The following EIF2AK3 variants were observed in gnomAD, a reference collection of about 807,000 sequenced individuals.
The protein encoded by EIF2AK3 is eukaryotic translation initiation factor 2 alpha kinase 3, also known as eukaryotic translation initiation factor 2-alpha kinase 3.
In EIF2AK3, 50 loss-of-function variants were observed where a neutral mutation model predicts 113.5. The ratio of observed to expected loss-of-function variants is 0.44; its 90% CI spans 0.35 to 0.56. The LOEUF is 0.56. EIF2AK3 is among the 20% of genes least tolerant of loss of function. The pLI is 0.00. For synonymous variants in EIF2AK3, 448 were observed against 495.4 expected, an observed-to-expected ratio of 0.90 and a Z score of 1.27; for missense variants, 1,185 against 1,378.0, an observed-to-expected ratio of 0.86 and a Z score of 2.22.
chr2:88,598,702 A>T (rs2104449686), intron 2 of EIF2AK3, among the ~76,000 whole-genome samples: 1 of 152,348 alleles, frequency 6.6e-6, no homozygotes, highest in East Asian at 1.9e-4. Context: ...TGTACTAGGC[A>T]TAGAGGATGC....
At chr2:88,589,677 T>A (rs1399455537) in intron 6 of EIF2AK3, among the ~76,000 whole-genome samples, 1 of 149,768 alleles carries the variant, frequency 6.7e-6, no homozygotes, top group Non-Finnish European at 1.5e-5. Context: ...ATGTAATTAC[T>A]TATAAATAAT....
At chr2:88,579,314 A>G (rs1357418141) in intron 11 of EIF2AK3, among the ~76,000 whole-genome samples, 1 of 152,264 alleles carries the variant, frequency 6.6e-6, no homozygotes, top group Admixed American at 6.5e-5. Context: ...AAACAAGGGC[A>G]TATTTTAAAA....
rs182886912 is a variant in EIF2AK3 at position 88,617,011 on chromosome 2, T to C, written c.309-3158A>G. Among the ~76,000 whole-genome samples, 257 of 152,314 alleles carry C rather than the reference T, an allele frequency of 1.7e-3. 2 individuals carry two copies. The highest frequency in any genetic ancestry group is 5.9e-3 in the African/African-American group (246 of 41,566). On this transcript the variant is annotated intron_variant, in intron 1 of 16. Coordinates refer to ENST00000303236, the MANE Select transcript of EIF2AK3 (RefSeq NM_004836.7). ...TCTGGAATGGAGGCACCCCTTCTGC[T>C]GTGGTTGGAATTAAGAAGCACCACC...
chr2:88,582,922 T>C (rs186283751), intron 10 of EIF2AK3, among the ~76,000 whole-genome samples: 18 of 152,298 alleles, frequency 1.2e-4, no homozygotes, highest in Middle Eastern at 3.4e-3. Flanking sequence ...AGGTGACATT[T>C]TATACTTGAG....
chr2:88,617,952 G>A (rs1335781058), intron 1 of EIF2AK3, among the ~76,000 whole-genome samples: 1 of 152,158 alleles, frequency 6.6e-6, no homozygotes, highest in East Asian at 1.9e-4. Flanking sequence ...ACTGACGCAG[G>A]AGAACTGCTT....
At chr2:88,578,319 G>A (rs1229298997) in intron 11 of EIF2AK3, among the ~76,000 whole-genome samples, 1 of 152,042 alleles carries the variant, frequency 6.6e-6, no homozygotes, top group African/African-American at 2.4e-5. Flanking sequence ...AGGGCAAGAC[G>A]GGTGGATCAT....
rs1674647385 is a variant in EIF2AK3, at chr2:88,583,513, T to G, written c.1680A>C (p.Gln560His). The G allele has an allele frequency of 6.2e-7, 1 of 1,613,174 alleles. No individual in the cohort carries two copies. Among genetic ancestry groups the G allele is most frequent in the South Asian group, 1.1e-5 (1 of 91,068 alleles). The change falls in exon 10 of 17, where the codon CAA (glutamine) becomes CAC (histidine). Residue 560 changes from glutamine to histidine, a missense_variant. By Grantham distance (24) the Gln-to-His change is conservative. Around this residue, in one of 3 missense-constraint regions of EIF2AK3, gnomAD observed 877 missense variants for 1,024.2 expected, o/e 0.86. Coordinates refer to ENST00000303236, the MANE Select transcript of EIF2AK3 (RefSeq NM_004836.7). ...TTACAGAATCATATTTATTTTCAGT[T>G]TGACACTGAGTTTCAGACTCCTTCC... ...RQRKESETQCQTENKYDSVSG... is the reference protein window; with the variant it reads ...RQRKESETQCHTENKYDSVSG...
chr2:88,610,131 AAAAACAAAAC>A (rs542477784), intron 2 of EIF2AK3, among the ~76,000 whole-genome samples: 1 of 152,104 alleles, frequency 6.6e-6, no homozygotes, highest in African/African-American at 2.4e-5. Context: ...CTAAAAGACA[AAAAACAAAAC>A]AAAACAAAAC....
rs372782178 is a variant in EIF2AK3 at position 88,608,666 on chromosome 2, A to G, written c.438+5058T>C. Among the ~76,000 whole-genome samples the G allele has an allele frequency of 2.7e-4, 41 of 150,170 alleles. No individual in the cohort carries two copies. In the South Asian group the frequency reaches 7.6e-3, roughly 28 times the overall value. The stretch of plus-strand genomic sequence containing the variant: ...GAAGGTAGTATTACTCTATGCATCC[A>G]GTTCACAGCATTTCAAATGGCAGTT... On this transcript the variant is annotated intron_variant, in intron 2 of 16. Coordinates refer to ENST00000303236, the MANE Select transcript of EIF2AK3 (RefSeq NM_004836.7).
intron 2 of EIF2AK3, among the ~76,000 whole-genome samples, chr2:88,612,898 A>G (rs1675490360): frequency 6.6e-6 from 1 of 152,232 alleles, no homozygotes; most frequent in Non-Finnish European, 1.5e-5. Context: ...AGAAGGCCAC[A>G]GGCATTCTGG....
chr2:88,578,510 C>T (rs1011089118), intron 11 of EIF2AK3, among the ~76,000 whole-genome samples: 8 of 152,008 alleles, frequency 5.3e-5, no homozygotes, highest in African/African-American at 1.9e-4. Context: ...TAGTGAAACC[C>T]CATCTCTACT....
chr2:88,575,674 A>C (rs781751084), intron 12 of EIF2AK3: 199 of 553,648 alleles, frequency 3.6e-4, no homozygotes, highest in Admixed American at 1.3e-3. Flanking sequence ...TACATGAAAC[A>C]GTTACCTGGG....
In EIF2AK3 at chr2:88,569,301, A is replaced by C. The variant is rs1674226908; in HGVS notation, c.2985+1573T>G. 2.0e-5 allele frequency among the ~76,000 whole-genome samples: 3 copies of C among 152,024 alleles called. 1 individual carries two copies. The South Asian group carries it at 6.2e-4, about 31-fold the overall frequency. ...AAGGATGGCTTGCGGCCAGAAGTTC[A>C]AAACTAGTCTGGGTAACACAGCAAG... On this transcript the variant is annotated intron_variant, in intron 14 of 16. Transcript: ENST00000303236.
chr2:88,612,554 C>T (rs946269358), intron 2 of EIF2AK3, among the ~76,000 whole-genome samples: 1 of 152,130 alleles, frequency 6.6e-6, no homozygotes, highest in African/African-American at 2.4e-5. Flanking sequence ...AAACAGTAGC[C>T]ACTTATAAAG....
At chr2:88,607,544 G>A (rs943217002) in intron 2 of EIF2AK3, among the ~76,000 whole-genome samples, 1 of 152,090 alleles carries the variant, frequency 6.6e-6, no homozygotes, top group Non-Finnish European at 1.5e-5. Context: ...GTGTCCCAAG[G>A]TACACAATTC....
At chr2:88,607,886 A>G (rs1675329511) in intron 2 of EIF2AK3, among the ~76,000 whole-genome samples, 1 of 152,250 alleles carries the variant, frequency 6.6e-6, no homozygotes, top group Admixed American at 6.5e-5. Flanking sequence ...GCATGAAGTT[A>G]GATTATCTTT....
In EIF2AK3 at chr2:88,557,733, A is replaced by C; in HGVS notation, c.*3T>G. The C allele has an allele frequency of 6.2e-7, 1 of 1,614,084 alleles. No homozygotes were observed. The highest frequency in any genetic ancestry group is 8.5e-7 in the Non-Finnish European group (1 of 1,179,898). ...CTATTAGGGTTGCTAGCACAACTTA[A>C]GGCTAATTGCTTGGCAAAGGGCTAT... On this transcript the variant is annotated 3_prime_UTR_variant, in exon 17 of 17. Transcript: ENST00000303236.
At chr2:88,562,149 G>C (rs1673982400) in intron 15 of EIF2AK3, 140 bp downstream of exon 15, 2 of 696,882 alleles carry the variant, frequency 2.9e-6, no homozygotes, top group South Asian at 1.7e-5. Context: ...ACTCCTCTCT[G>C]TGTTACTCAC....
upstream of EIF2AK3, chr2:88,627,473 C>T (rs1463520152): frequency 5.0e-6 from 3 of 601,406 alleles, no homozygotes; most frequent in Non-Finnish European, 7.5e-6. Context: ...CTATCTCGGA[C>T]ATCGCCCATT....
Sources: allele counts gnomAD v4.1 joint callset (sites outside exome capture counted in the v4.1 genomes callset), GRCh38; gene constraint gnomAD v4.1.1; regional missense constraint gnomAD v4.1.1; transcripts MANE v1.5; gene names NCBI Gene and HGNC (gene_info 2026-07-23, HGNC 2026-07-21).